Variants in SP110 observed in about 807,000 individuals in gnomAD.
SP110 encodes interferon-induced protein 41, 30kD.
Under a neutral mutation model 92.7 loss-of-function variants are expected in SP110, and 62 were observed. The observed-to-expected ratio is 0.67, with a 90% CI of 0.55 to 0.83. The LOEUF (loss-of-function observed/expected upper bound fraction) is 0.83, where lower values mean the gene tolerates loss of function less well. Ranked by LOEUF, SP110 falls within the 40% of genes least tolerant of loss-of-function variation. The pLI, the probability that SP110 is intolerant of heterozygous loss-of-function variation, is 0.00. For missense variants in SP110, 793 were observed against 863.9 expected (o/e 0.92, Z 1.03); for synonymous variants, 273 against 305.3 (o/e 0.89, Z 1.10).
chr2:230,168,153 GCAT>G lies in SP110; in HGVS notation c.*968_*970del, dbSNP rs1438135373. The G allele has an allele frequency of 7.5e-6, 1 of 133,862 alleles. No homozygotes were observed. The highest frequency in any genetic ancestry group is 1.6e-5 in the Non-Finnish European group (1 of 61,674). 8.3% of individuals were successfully genotyped at this position (133,862 alleles called of 1,614,324 possible). On this transcript the variant is annotated 3_prime_UTR_variant, in exon 19 of 19. Coordinates refer to ENST00000258381, the MANE Select transcript of SP110 (RefSeq NM_080424.4). ...AAAAAAGAAAAAGTGGGCAACTCAA[GCAT>G]CAATAAAGGTATTAACTGCAATGGT...
intron 2 of SP110, 108 bp from the exon 3 acceptor site, chr2:230,215,226 G>T (rs1310571772): frequency 4.6e-6 from 4 of 875,744 alleles, no homozygotes; most frequent in Non-Finnish European, 7.3e-6. Flanking sequence ...CTTTTAAGAA[G>T]AAATTCAACA....
At chr2:230,214,269 A>G (rs551939637) in intron 3 of SP110, 1 of 152,076 alleles carries the variant, frequency 6.6e-6, no homozygotes, top group Non-Finnish European at 1.5e-5. Flanking sequence ...TTCTGTGGCT[A>G]TGTTTGCGAT....
At chr2:230,224,437 G>A (rs1221964834), upstream of SP110, among the ~76,000 whole-genome samples, 5 of 143,646 alleles carry the variant, frequency 3.5e-5, no homozygotes, top group East Asian at 1.0e-3. Context: ...GAGGGAGGGA[G>A]AGGGAGGGAG....
At chr2:230,197,458 A>G (rs1465668806) in intron 10 of SP110, among the ~76,000 whole-genome samples, 2 of 150,372 alleles carry the variant, frequency 1.3e-5, no homozygotes, top group Non-Finnish European at 3.0e-5. Context: ...TTGTCAGATG[A>G]GTAGGTTGCG....
At chr2:230,209,848 C>G (rs2044275708) in intron 7 of SP110, 83 bp downstream of exon 7, 1 of 837,518 alleles carries the variant, frequency 1.2e-6, no homozygotes, top group Admixed American at 1.7e-5. Flanking sequence ...CATAGTGGTG[C>G]TCTTGACAAG....
In SP110 at chr2:230,167,573, C is replaced by G. The variant is rs2078330182; in HGVS notation, c.*1551G>C. On this transcript the variant is annotated 3_prime_UTR_variant, in exon 19 of 19. Coordinates refer to ENST00000258381, the MANE Select transcript of SP110 (RefSeq NM_080424.4). The stretch of plus-strand genomic sequence containing the variant: ...GAGGGTGAACTATGGTAGATTGCTT[C>G]TAAAGATGGGAGCAGCAATGTTTCT... The G allele has an allele frequency of 6.6e-6, 1 of 152,134 alleles. No homozygotes were observed. The highest frequency in any genetic ancestry group is 1.5e-5 in the Non-Finnish European group (1 of 68,022). The allele number at this position is 152,134 out of a possible 1,614,324, so 9.4% of individuals were successfully genotyped here.
In SP110 at chr2:230,177,693, G is replaced by C. The variant is rs200401083; in HGVS notation, c.1448-13C>G. On this transcript the variant is annotated splice_polypyrimidine_tract_variant and intron_variant, in intron 13 of 18. Transcript: ENST00000258381. ...TTCACTGAGGATCCTGTAAGAAAAA[G>C]CCCATTCTTGGATCTACCCCCATCC... 3 of 1,613,784 alleles carry C rather than the reference G, an allele frequency of 1.9e-6. No homozygotes were observed. The highest frequency in any genetic ancestry group is 2.5e-6 in the Non-Finnish European group (3 of 1,179,854).
chr2:230,221,606 T>C (rs571350958), upstream of SP110: 37 of 1,171,702 alleles, frequency 3.2e-5, no homozygotes, highest in African/African-American at 5.3e-4. Context: ...GAGGGTGCAT[T>C]GATGCCTCAG....
upstream of SP110, among the ~76,000 whole-genome samples, chr2:230,224,256 C>T (rs983532791): frequency 1.3e-5 from 2 of 152,130 alleles, no homozygotes; most frequent in Non-Finnish European, 2.9e-5. Context: ...ATGTCCAGTT[C>T]ATTGGTGTCC....
chr2:230,223,644 A>T (rs1365274829), upstream of SP110, among the ~76,000 whole-genome samples: 1 of 152,218 alleles, frequency 6.6e-6, no homozygotes, highest in Non-Finnish European at 1.5e-5. Context: ...TGGTTATCTG[A>T]CATAATTGGA....
At position 230,169,237 on chromosome 2, in the gene SP110, C is replaced by G. The variant is rs1419455063; in HGVS notation, c.2029G>C (p.Ala677Pro). The G allele has an allele frequency of 6.4e-7, 1 of 1,560,136 alleles. No individual in the cohort carries two copies. The highest frequency in any genetic ancestry group is 1.4e-5 in the African/African-American group (1 of 73,824). ...MFRNHKTFYK[A>P]SDFGQVGLDL... is the part of the protein sequence containing the mutation. ...AGTCCTACCTGGCCAAAGTCAGAAG[C>G]CTGAAAGAGAAAAAAGCAAACAAAC... Residue 677 changes from alanine (A) to proline (P), a missense_variant and splice_region_variant, in exon 19 of 19, where the codon GCT becomes CCT. By Grantham distance (27) the Ala-to-Pro change is conservative. Coordinates refer to ENST00000258381, the MANE Select transcript of SP110 (RefSeq NM_080424.4).
In SP110 at chr2:230,208,012, T is replaced by A. The variant is rs199845488; in HGVS notation, c.877A>T (p.Lys293Ter). 1 of 1,565,994 alleles carries A rather than the reference T, an allele frequency of 6.4e-7. No homozygotes were observed. The highest frequency in any genetic ancestry group is 8.8e-7 in the Non-Finnish European group (1 of 1,138,708). The change falls in exon 8 of 19, where the codon AAG becomes TAG. Residue 293 changes from lysine (K) to a stop codon, truncating the protein, a stop_gained. Transcript: ENST00000258381. LOFTEE classifies it high-confidence loss of function. ...CIWSTPKRRHKKKSLPGGTAS... is the reference protein window; with the variant it reads ...CIWSTPKRRH ...TTACCTCCTGGGAGGCTTTTTTTCT[T>A]ATGTCTCCTTTTTGGAGTTGACCAG...
intron 10 of SP110, among the ~76,000 whole-genome samples, chr2:230,195,798 A>G (rs1448967913): frequency 2.0e-5 from 3 of 152,210 alleles, no homozygotes; most frequent in East Asian, 3.8e-4. Context: ...CAGGACTGAA[A>G]AAAACTGTTC....
chr2:230,221,524 G>A (rs954983871), upstream of SP110, among the ~76,000 whole-genome samples: 2 of 152,138 alleles, frequency 1.3e-5, no homozygotes, highest in East Asian at 1.9e-4. Context: ...CCGGCCTTGC[G>A]GGTAATGGCT....
At chr2:230,219,271 A>G (rs769063823) in intron 1 of SP110, among the ~76,000 whole-genome samples, 1 of 152,354 alleles carries the variant, frequency 6.6e-6, no homozygotes, top group East Asian at 1.9e-4. Flanking sequence ...AATGAAGACA[A>G]TTTGATAACA....
In SP110 at chr2:230,218,999, C is replaced by T. The variant is rs1358188923; in HGVS notation, c.-2+875G>A. ...CAGCACTTTGGGAGGTTGAGGTGGG[C>T]GGATCAGCTGAGGTCAGGAGTTCGA... is the stretch of plus-strand genomic sequence containing the variant. On this transcript the variant is annotated intron_variant, in intron 1 of 18. Coordinates refer to ENST00000258381, the MANE Select transcript of SP110 (RefSeq NM_080424.4). Among the ~76,000 whole-genome samples the T allele has an allele frequency of 5.9e-5, 9 of 152,026 alleles. No homozygotes were observed. The South Asian group carries it at 8.3e-4, about 14-fold the overall frequency.
chr2:230,222,500 C>G (rs1183867471), upstream of SP110, among the ~76,000 whole-genome samples: 2 of 152,128 alleles, frequency 1.3e-5, no homozygotes, highest in African/African-American at 4.8e-5. Context: ...AGGAGGATCG[C>G]TTGAGCCCAG....
intron 17 of SP110, 75 bp from the exon 18 acceptor site, chr2:230,170,836 C>A: frequency 6.8e-7 from 1 of 1,461,736 alleles, no homozygotes; most frequent in Non-Finnish European, 9.6e-7. Flanking sequence ...AAATACAATC[C>A]AAGCCTTCAT....
chr2:230,173,686 A>C (rs1254047255), intron 14 of SP110: 5 of 152,082 alleles, frequency 3.3e-5, no homozygotes, highest in African/African-American at 7.2e-5. Context: ...GTCTGTTCTT[A>C]GGCTTGGAAA....
Sources: allele counts gnomAD v4.1 joint callset (sites outside exome capture counted in the v4.1 genomes callset), GRCh38; gene constraint gnomAD v4.1.1; transcripts MANE v1.5; gene names NCBI Gene and HGNC (gene_info 2026-07-23, HGNC 2026-07-21).